ADAM32: variants seen among roughly 807,000 people sequenced by gnomAD.
ADAM32 encodes ADAM metallopeptidase domain 32.
ADAM32 carries 89 observed loss-of-function variants against 114.9 expected under a neutral mutation model. The ratio of observed to expected loss-of-function variants is 0.77; its 90% CI spans 0.65 to 0.92. The LOEUF (loss-of-function observed/expected upper bound fraction) is 0.92. Among genes scored for constraint, ADAM32 ranks in the 40% least tolerant of loss-of-function variants. The probability of loss-of-function intolerance (pLI) is 0.00; values close to 1 mark genes in which losing one functional copy is unlikely to be tolerated. For missense variants in ADAM32, 870 were observed against 932.8 expected, an observed-to-expected ratio of 0.93 and a Z score of 0.88; for synonymous variants, 285 against 307.5, an observed-to-expected ratio of 0.93 and a Z score of 0.77.
intron 24 of ADAM32, 61 bp from the exon 25 acceptor site, chr8:39,284,732 A>G (rs1275924960): frequency 6.3e-7 from 1 of 1,592,550 alleles, no homozygotes; most frequent in African/African-American, 1.3e-5. Context: ...AGCTGCTTGT[A>G]CAGTGGGAGG....
At chr8:39,181,427 A>C (rs1248133456) in intron 10 of ADAM32, among the ~76,000 whole-genome samples, 1 of 152,156 alleles carries the variant, frequency 6.6e-6, no homozygotes, top group Non-Finnish European at 1.5e-5. Flanking sequence ...AAACGTCAGA[A>C]GGAACAAACT....
intron 6 of ADAM32, among the ~76,000 whole-genome samples, chr8:39,156,273 A>G (rs1045257268): frequency 2.0e-5 from 3 of 152,044 alleles, no homozygotes; most frequent in Non-Finnish European, 4.4e-5. Flanking sequence ...TCTGCCTCCC[A>G]ATTAGCTGGG....
chr8:39,204,009 T>A (rs1410736269), intron 11 of ADAM32, among the ~76,000 whole-genome samples: 4 of 152,242 alleles, frequency 2.6e-5, no homozygotes, highest in African/African-American at 4.8e-5. Context: ...CCGCTGTTAG[T>A]CTGATGGGCT....
chr8:39,108,937 A>T (rs1441303655), intron 1 of ADAM32, among the ~76,000 whole-genome samples: 1 of 152,170 alleles, frequency 6.6e-6, no homozygotes, highest in African/African-American at 2.4e-5. Flanking sequence ...GTCTCATCTT[A>T]TAAGGGCATG....
rs770144751 is a variant in ADAM32 at position 39,169,893 on chromosome 8, T to G, written c.834-23T>G. On this transcript the variant is annotated intron_variant, in intron 9 of 24. Coordinates refer to ENST00000379907, the MANE Select transcript of ADAM32 (RefSeq NM_145004.7). ...TTAAATTGTCTGTTAAAATCAATTA[T>G]AAATGTAAATTTATTTATTTAGTTA... The G allele has an allele frequency of 3.4e-6, 5 of 1,468,826 alleles. No individual in the cohort carries two copies. In the South Asian group the frequency reaches 5.1e-5, roughly 15 times the overall value. The allele number at this position is 1,468,826 out of a possible 1,614,324, so 91.0% of individuals were successfully genotyped here.
At chr8:39,162,445 A>G (rs1804574253) in intron 7 of ADAM32, among the ~76,000 whole-genome samples, 1 of 151,898 alleles carries the variant, frequency 6.6e-6, no homozygotes, top group Non-Finnish European at 1.5e-5. Flanking sequence ...AGTCTTTGCT[A>G]TTGTGAATAG....
chr8:39,273,047 C>T (rs1812832784), intron 20 of ADAM32, among the ~76,000 whole-genome samples: 1 of 151,978 alleles, frequency 6.6e-6, no homozygotes, highest in Non-Finnish European at 1.5e-5. Flanking sequence ...CACATCTTGT[C>T]CTGCTGGGAG....
At chr8:39,213,519 G>T (rs576643671) in intron 12 of ADAM32, among the ~76,000 whole-genome samples, 1 of 151,936 alleles carries the variant, frequency 6.6e-6, no homozygotes, top group Admixed American at 6.6e-5. Context: ...GTGGGTAGTA[G>T]ATGTGTATAT....
At position 39,160,886 on chromosome 8, in the gene ADAM32, CT is replaced by C; in HGVS notation, c.526-5del. The C allele has an allele frequency of 1.3e-6, 2 of 1,573,062 alleles. No individual in the cohort carries two copies. The highest frequency in any genetic ancestry group is 3.8e-5 in the Admixed American group (2 of 52,524). ...TTTTCATGTATTATATGCTGTTTTCCTTTTTTCTAGTCAGAACCAGCTGTTC... is the reference window on the plus strand; with the variant it reads ...TTTTCATGTATTATATGCTGTTTTCCTTTTTCTAGTCAGAACCAGCTGTTC... On this transcript the variant is annotated splice_polypyrimidine_tract_variant and intron_variant, in intron 6 of 24. Transcript: ENST00000379907.
intron 16 of ADAM32, among the ~76,000 whole-genome samples, chr8:39,236,333 A>T (rs1810142836): frequency 6.6e-6 from 1 of 152,174 alleles, no homozygotes; most frequent in Non-Finnish European, 1.5e-5. Context: ...AATACAAGAT[A>T]TTCTTTGAAC....
At chr8:39,177,975 A>C (rs1805629675) in intron 10 of ADAM32, among the ~76,000 whole-genome samples, 10 of 151,672 alleles carry the variant, frequency 6.6e-5, no homozygotes, top group Admixed American at 6.6e-4. Flanking sequence ...GACCTTGGAG[A>C]ATCTGATGAT....
chr8:39,222,958 A>G (rs1809084684), intron 13 of ADAM32, 82 bp from the exon 14 acceptor site: 5 of 1,221,944 alleles, frequency 4.1e-6, no homozygotes, highest in Non-Finnish European at 5.6e-6. Flanking sequence ...AGCGAAAATG[A>G]TTAACACAAT....
chr8:39,180,840 G>C (rs2129446890), intron 10 of ADAM32, among the ~76,000 whole-genome samples: 1 of 151,994 alleles, frequency 6.6e-6, no homozygotes, highest in Non-Finnish European at 1.5e-5. Context: ...CTCAAGGTTT[G>C]TAAACACGCC....
intron 6 of ADAM32, chr8:39,157,928 C>A: frequency 2.6e-6 from 1 of 382,516 alleles, no homozygotes; most frequent in South Asian, 2.8e-5. Flanking sequence ...CTAGTACGTG[C>A]CACAGAGAAG....
In ADAM32 at chr8:39,199,178, G is replaced by A. The variant is rs527503032; in HGVS notation, c.1053-11966G>A. ...TTGAATTTTGGTAGTTTGACTATAC[G>A]TGCCTTGAACAAGACCTTTTTGGGT... On this transcript the variant is annotated intron_variant, in intron 11 of 24. Coordinates refer to ENST00000379907, the MANE Select transcript of ADAM32 (RefSeq NM_145004.7). 3.3e-5 allele frequency among the ~76,000 whole-genome samples: 5 copies of A among 152,082 alleles called. No homozygotes were observed. The South Asian group carries it at 8.3e-4, about 25-fold the overall frequency.
intron 2 of ADAM32, among the ~76,000 whole-genome samples, chr8:39,135,267 G>A (rs536433526): frequency 1.3e-5 from 2 of 152,320 alleles, no homozygotes; most frequent in South Asian, 4.1e-4. Context: ...AATTTAAAAA[G>A]TAGGATGCCC....
intron 11 of ADAM32, 117 bp downstream of exon 11, chr8:39,187,162 G>A (rs761703156): frequency 1.2e-5 from 10 of 813,056 alleles, no homozygotes; most frequent in Non-Finnish European, 1.8e-5. Context: ...AATTCACCAA[G>A]TATAAACATG....
At chr8:39,127,491 G>A (rs1338250846) in intron 2 of ADAM32, among the ~76,000 whole-genome samples, 4 of 152,092 alleles carry the variant, frequency 2.6e-5, no homozygotes, top group Admixed American at 2.6e-4. Context: ...ATTCTCTGAT[G>A]ATTGTTTGTA....
At chr8:39,244,920 A>G (rs1388327764) in intron 16 of ADAM32, among the ~76,000 whole-genome samples, 1 of 152,238 alleles carries the variant, frequency 6.6e-6, no homozygotes, top group Non-Finnish European at 1.5e-5. Flanking sequence ...ATAACATCAG[A>G]AAAACTCTTC....
Sources: gnomAD v4.1 joint callset for allele counts (sites outside exome capture counted in the v4.1 genomes callset) on GRCh38, gnomAD v4.1.1 for gene constraint, MANE v1.5 for transcripts, NCBI Gene and HGNC (gene_info 2026-07-23, HGNC 2026-07-21) for gene names.